Variants in NFXL1 observed in about 807,000 individuals in gnomAD.
The protein encoded by NFXL1 is NF-X1-type zinc finger protein NFXL1.
In NFXL1, 66 loss-of-function variants were observed where a neutral mutation model predicts 123.3. The observed-to-expected ratio is 0.54, with a 90% CI of 0.44 to 0.66. The LOEUF is 0.66. Among genes scored for constraint, NFXL1 ranks in the 30% least tolerant of loss-of-function variants. The pLI, the probability that NFXL1 is intolerant of heterozygous loss-of-function variation, is 0.00. For synonymous variants in NFXL1, 346 were observed against 360.8 expected (o/e 0.96, Z 0.46); for missense variants, 944 against 1,125.6 (o/e 0.84, Z 2.31).
At position 47,848,213 on chromosome 4, in the gene NFXL1, C is replaced by T. The variant is rs764857744; in HGVS notation, c.2686G>A (p.Gly896Arg). Residue 896 changes from glycine (G) to arginine (R), a missense_variant, in exon 23 of 23, where the codon GGA becomes AGA. Around this residue, in one of 4 missense-constraint regions of NFXL1, gnomAD observed 301 missense variants for 348.0 expected, o/e 0.86. Transcript: ENST00000507489. ...KHKYYLISVC[G>R]VVVVVFAWYI... ...CAGGCAAACACTACAACCACAACTC[C>T]ACACACTGAAATGAGATAATATTTA... The T allele has an allele frequency of 6.2e-7, 1 of 1,612,438 alleles. No individual in the cohort carries two copies. The highest frequency in any genetic ancestry group is 8.5e-7 in the Non-Finnish European group (1 of 1,178,912).
intron 4 of NFXL1, among the ~76,000 whole-genome samples, chr4:47,903,603 T>C (rs945327086): frequency 1.3e-5 from 2 of 152,044 alleles, no homozygotes; most frequent in Non-Finnish European, 2.9e-5. Flanking sequence ...TATATATTTT[T>C]TTCATACTTT....
At chr4:47,857,316 C>T (rs1734470430) in intron 19 of NFXL1, among the ~76,000 whole-genome samples, 1 of 152,118 alleles carries the variant, frequency 6.6e-6, no homozygotes, top group Non-Finnish European at 1.5e-5. Context: ...CCTTCTCAGT[C>T]TCTGATATCT....
At chr4:47,884,324 T>TTA in intron 15 of NFXL1, 22 bp downstream of exon 15, 1 of 1,388,996 alleles carries the variant, frequency 7.2e-7, no homozygotes, top group Non-Finnish European at 1.0e-6. Flanking sequence ...TTTTTTTTTT[T>TTA]AATTGAAATT....
intron 18 of NFXL1, among the ~76,000 whole-genome samples, chr4:47,865,866 A>C (rs1735033580): frequency 6.6e-6 from 1 of 151,996 alleles, no homozygotes; most frequent in Non-Finnish European, 1.5e-5. Flanking sequence ...AAACACCAAA[A>C]TTAGCCTGGT....
At chr4:47,860,227 A>AT (rs1431277848) in intron 19 of NFXL1, among the ~76,000 whole-genome samples, 4 of 152,186 alleles carry the variant, frequency 2.6e-5, no homozygotes, top group Non-Finnish European at 5.9e-5. Flanking sequence ...AATATACAAA[A>AT]TTTTATCAAT....
chr4:47,908,637 CAAGGG>C lies in NFXL1; in HGVS notation c.406+2182_406+2186del, dbSNP rs539885208. 8.6e-5 allele frequency among the ~76,000 whole-genome samples: 13 copies of C among 151,866 alleles called. No homozygotes were observed. The South Asian group carries it at 2.5e-3, about 29-fold the overall frequency. Reference sequence around the variant, plus strand: ...AGCTTAGGATGTGGGGCCTTATGATCAAGGGAAGACATGACTGAAAAAAGAAACAA... The same window carrying C: ...AGCTTAGGATGTGGGGCCTTATGATCAAGACATGACTGAAAAAAGAAACAA... On this transcript the variant is annotated intron_variant, in intron 3 of 22. Transcript: ENST00000507489.
chr4:47,912,138 G>A (rs534027310), intron 2 of NFXL1, among the ~76,000 whole-genome samples: 31 of 152,148 alleles, frequency 2.0e-4, no homozygotes, highest in South Asian at 2.1e-4. Context: ...AGTAAACCTC[G>A]ACGAAAATGT....
intron 3 of NFXL1, among the ~76,000 whole-genome samples, chr4:47,909,720 G>A (rs1737735978): frequency 6.6e-6 from 1 of 150,692 alleles, no homozygotes; most frequent in African/African-American, 2.4e-5. Context: ...GTGCAGTGGC[G>A]CAATCTCAGC....
At chr4:47,851,063 G>C (rs1156828050) in intron 22 of NFXL1, 32 bp downstream of exon 22, 6 of 1,532,930 alleles carry the variant, frequency 3.9e-6, no homozygotes, top group African/African-American at 1.4e-5. Context: ...ATGATGCTAA[G>C]AGACATAAAT....
rs543447064 is a variant in NFXL1 at position 47,898,288 on chromosome 4, G to T, written c.1090-207C>A. ...GTATACACACACATATATTTCCTAT[G>T]CACCAAAAAGTATATTTTAAAAGTA... On this transcript the variant is annotated intron_variant, in intron 8 of 22. Transcript: ENST00000507489. Among the ~76,000 whole-genome samples, 9 of 151,934 alleles carry T rather than the reference G, an allele frequency of 5.9e-5. No individual in the cohort carries two copies. The South Asian group carries it at 1.5e-3, about 25-fold the overall frequency.
At chr4:47,855,518 T>TC (rs1407997535) in intron 19 of NFXL1, among the ~76,000 whole-genome samples, 5 of 151,968 alleles carry the variant, frequency 3.3e-5, no homozygotes, top group Non-Finnish European at 7.4e-5. Flanking sequence ...AGAGTATACT[T>TC]CCATGTTCTT....
In NFXL1 at chr4:47,889,140, T is replaced by C. The variant is rs558174790; in HGVS notation, c.1543+1473A>G. On this transcript the variant is annotated intron_variant, in intron 12 of 22. Coordinates refer to ENST00000507489, the MANE Select transcript of NFXL1 (RefSeq NM_001278624.2). ...TTATCTTATATAGATGTTAGACATT[T>C]ATCAAGATGATCTCATTCCTCCTTT... is the stretch of plus-strand genomic sequence containing the variant. Among the ~76,000 whole-genome samples the C allele has an allele frequency of 3.9e-5, 6 of 152,358 alleles. No homozygotes were observed. The South Asian group carries it at 1.2e-3, about 32-fold the overall frequency.
Position 47,906,951 on chromosome 4 carries a change from G to A in NFXL1, c.407-1605C>T, listed in dbSNP as rs562826416. ...TGAAAGCTGGAAGTACCAGTTAAGA[G>A]ACAGTTACAGCAGATTAAGCAAAAA... On this transcript the variant is annotated intron_variant, in intron 3 of 22. Transcript: ENST00000507489. Among the ~76,000 whole-genome samples the A allele has an allele frequency of 1.9e-4, 29 of 152,298 alleles. No homozygotes were observed. In the East Asian group the frequency reaches 2.5e-3, roughly 13 times the overall value.
Position 47,884,375 on chromosome 4 carries a change from C to G in NFXL1, c.1887G>C (p.Pro629=). ...SEPAFIQTAL[P]CPPCQVPIPM... ...GAATAGGAACTTGACATGGAGGACA[C>G]GGTAATGCAGTCTGAATAAATGCTG... The change falls in exon 15 of 23, where the codon CCG becomes CCC. Residue 629 remains proline (P), a synonymous_variant. Coordinates refer to ENST00000507489, the MANE Select transcript of NFXL1 (RefSeq NM_001278624.2). 6.2e-7 allele frequency: 1 copy of G among 1,606,188 alleles called. No homozygotes were observed.
rs1737421506 is a variant in NFXL1, at chr4:47,903,177, AAT to A, written c.647+14_647+15del. ...TGAAAATAATAATAATAATCCAACT[AAT>A]TAGAAAAAGTTACCAAGGCCAGGGA... is the stretch of plus-strand genomic sequence containing the variant. On this transcript the variant is annotated intron_variant, in intron 5 of 22. Transcript: ENST00000507489. 6.5e-7 allele frequency: 1 copy of A among 1,548,556 alleles called. No individual in the cohort carries two copies. Among genetic ancestry groups the A allele is most frequent in the Non-Finnish European group, 8.7e-7 (1 of 1,146,330 alleles).
intron 12 of NFXL1, among the ~76,000 whole-genome samples, chr4:47,887,854 C>T (rs2110082903): frequency 6.6e-6 from 1 of 152,184 alleles, no homozygotes; most frequent in Admixed American, 6.5e-5. Flanking sequence ...TTCCATAATA[C>T]TTTCAAAATG....
chr4:47,890,351 T>C (rs1736692706), intron 12 of NFXL1, among the ~76,000 whole-genome samples: 2 of 152,124 alleles, frequency 1.3e-5, no homozygotes, highest in African/African-American at 4.8e-5. Flanking sequence ...GAAAGGACAA[T>C]ACTTTTATAT....
At chr4:47,866,818 G>C (rs1243271799) in intron 18 of NFXL1, among the ~76,000 whole-genome samples, 1 of 152,168 alleles carries the variant, frequency 6.6e-6, no homozygotes, top group Non-Finnish European at 1.5e-5. Flanking sequence ...TCCCTCTTGA[G>C]AGCCCTGAAC....
intron 19 of NFXL1, among the ~76,000 whole-genome samples, chr4:47,858,821 T>C (rs1734563485): frequency 6.6e-6 from 1 of 152,166 alleles, no homozygotes; most frequent in African/African-American, 2.4e-5. Context: ...CTGGGTAGAG[T>C]TAACATGGTA....
Sources: gnomAD v4.1 joint callset for allele counts (sites outside exome capture counted in the v4.1 genomes callset) on GRCh38, gnomAD v4.1.1 for gene constraint, gnomAD v4.1.1 regional missense constraint, MANE v1.5 for transcripts, NCBI Gene and HGNC (gene_info 2026-07-23, HGNC 2026-07-21) for gene names.